The following ITPR2 variants were observed in gnomAD, a reference collection of about 807,000 sequenced individuals.
ITPR2 encodes the protein inositol 1,4,5-trisphosphate receptor type 2.
Under a neutral mutation model 317.1 loss-of-function variants are expected in ITPR2, and 207 were observed. The ratio of observed to expected loss-of-function variants is 0.65; its 90% confidence interval spans 0.58 to 0.73. The LOEUF (loss-of-function observed/expected upper bound fraction) is 0.73, where lower values mean the gene tolerates loss of function less well. Among genes scored for constraint, ITPR2 ranks in the 30% least tolerant of loss-of-function variants. The pLI, the probability that ITPR2 is intolerant of heterozygous loss-of-function variation, is 0.00. For missense variants in ITPR2, 2,613 were observed against 3,284.0 expected (o/e 0.80, Z 4.99); for synonymous variants, 1,156 against 1,149.1 (o/e 1.01, Z -0.12).
intron 1 of ITPR2, among the ~76,000 whole-genome samples, chr12:26,811,102 C>A (rs1047172696): frequency 4.7e-5 from 7 of 150,172 alleles, no homozygotes; most frequent in African/African-American, 1.5e-4. Context: ...CATGACAGAC[C>A]TGCTGAATTG....
chr12:26,625,387 A>T (rs1946598999), intron 23 of ITPR2, among the ~76,000 whole-genome samples: 1 of 152,200 alleles, frequency 6.6e-6, no homozygotes, highest in Non-Finnish European at 1.5e-5. Context: ...TACCTCATTT[A>T]TCCTGATATG....
Position 26,724,686 on chromosome 12 carries a change from TC to T in ITPR2, c.335del (p.Gly112GlufsTer4). 6.2e-7 allele frequency: 1 copy of T among 1,602,416 alleles called. No individual in the cohort carries two copies. ...TAACATTACTGTATTTTACAATTTC[TC>T]CCAACAGTTTCTTATTCTCCGATTC... is the stretch of plus-strand genomic sequence containing the variant. ...QNESENKKLL[G>X]EIVKYSNVIQ... On this transcript the variant is annotated frameshift_variant, in exon 4 of 57. Transcript: ENST00000381340. LOFTEE classifies it high-confidence loss of function.
At chr12:26,339,759 A>G (rs1339931078) in intron 56 of ITPR2, among the ~76,000 whole-genome samples, 1 of 152,186 alleles carries the variant, frequency 6.6e-6, no homozygotes, top group Non-Finnish European at 1.5e-5. Flanking sequence ...TTTAATAGCT[A>G]CCATGGTTAC....
chr12:26,352,243 C>A (rs892895422), intron 55 of ITPR2, among the ~76,000 whole-genome samples: 1 of 152,188 alleles, frequency 6.6e-6, no homozygotes, highest in Non-Finnish European at 1.5e-5. Flanking sequence ...ACAACAGATG[C>A]CAAGAAGCAA....
At chr12:26,526,630 G>GA (rs987942436) in intron 37 of ITPR2, among the ~76,000 whole-genome samples, 19 of 151,246 alleles carry the variant, frequency 1.3e-4, no homozygotes, top group Non-Finnish European at 1.9e-4. Context: ...GTTACTCTAT[G>GA]AAAAAAAAAG....
chr12:26,744,088 T>C (rs938426833), intron 2 of ITPR2, among the ~76,000 whole-genome samples: 1 of 152,250 alleles, frequency 6.6e-6, no homozygotes, highest in Non-Finnish European at 1.5e-5. Context: ...GGATTCTTCA[T>C]GCAGCAAGCA....
chr12:26,383,592 T>C (rs1450639404), intron 55 of ITPR2, among the ~76,000 whole-genome samples: 21 of 151,740 alleles, frequency 1.4e-4, no homozygotes, highest in African/African-American at 5.1e-4. Context: ...CTCACCATTC[T>C]CCTGCCTCAG....
chr12:26,773,547 G>C (rs1469729953), intron 2 of ITPR2, among the ~76,000 whole-genome samples: 1 of 152,164 alleles, frequency 6.6e-6, no homozygotes, highest in African/African-American at 2.4e-5. Flanking sequence ...ATTCTGAAGG[G>C]AGACAATTGA....
At position 26,338,701 on chromosome 12, in the gene ITPR2, A is replaced by T. The variant is rs535627003; in HGVS notation, c.*696T>A. 6.6e-6 allele frequency: 1 copy of T among 152,330 alleles called. No homozygotes were observed. Among genetic ancestry groups the T allele is most frequent in the Non-Finnish European group, 1.5e-5 (1 of 68,030 alleles). 9.4% of individuals were successfully genotyped at this position (152,330 alleles called of 1,614,324 possible). ...GAACATGTTTTTAACAAGTTATATG[A>T]AAATCTCCTTTTGTGCTCCACATTG... On this transcript the variant is annotated 3_prime_UTR_variant, in exon 57 of 57. Transcript: ENST00000381340.
intron 50 of ITPR2, 75 bp from the exon 51 acceptor site, chr12:26,415,573 C>A (rs1355309780): frequency 3.9e-6 from 4 of 1,033,278 alleles, no homozygotes; most frequent in South Asian, 2.2e-5. Flanking sequence ...AATATAATTA[C>A]AAATACAAAT....
At chr12:26,575,278 G>A (rs1041514312) in intron 34 of ITPR2, among the ~76,000 whole-genome samples, 3 of 150,840 alleles carry the variant, frequency 2.0e-5, no homozygotes, top group South Asian at 2.1e-4. Flanking sequence ...TTTTTAAACC[G>A]ACAAAGAATT....
At chr12:26,435,321 A>G (rs772659091) in intron 48 of ITPR2, among the ~76,000 whole-genome samples, 10 of 152,156 alleles carry the variant, frequency 6.6e-5, no homozygotes, top group Non-Finnish European at 4.4e-5. Flanking sequence ...ACCACCATTG[A>G]ACTTTATTGA....
At chr12:26,720,752 G>A (rs1225591734) in intron 5 of ITPR2, among the ~76,000 whole-genome samples, 2 of 152,134 alleles carry the variant, frequency 1.3e-5, no homozygotes, top group Non-Finnish European at 2.9e-5. Context: ...TTGGGTGGTA[G>A]GTTTTGTTTT....
intron 9 of ITPR2, among the ~76,000 whole-genome samples, chr12:26,700,401 T>A (rs1318373071): frequency 6.6e-6 from 1 of 152,246 alleles, no homozygotes; most frequent in East Asian, 1.9e-4. Context: ...AATACTTTTT[T>A]ATATGCTTTT....
intron 36 of ITPR2, among the ~76,000 whole-genome samples, chr12:26,555,644 G>C (rs6487561): frequency 6.6e-6 from 1 of 152,072 alleles, no homozygotes; most frequent in African/African-American, 2.4e-5. Flanking sequence ...TACCACAAAC[G>C]CTAAGAAACA....
At chr12:26,693,355 C>T (rs562141284) in intron 10 of ITPR2, among the ~76,000 whole-genome samples, 5 of 152,236 alleles carry the variant, frequency 3.3e-5, no homozygotes, top group African/African-American at 1.2e-4. Flanking sequence ...AAAGAGTGAA[C>T]TTCACCATGG....
chr12:26,620,883 G>A (rs181231260), intron 26 of ITPR2, among the ~76,000 whole-genome samples: 9 of 152,128 alleles, frequency 5.9e-5, no homozygotes, highest in South Asian at 4.2e-4. Context: ...AGAATTTACC[G>A]TGGAAATGAC....
intron 34 of ITPR2, among the ~76,000 whole-genome samples, chr12:26,567,954 A>ATATATATATATATATTATATATAT (rs1565609313): frequency 6.5e-4 from 6 of 9,282 alleles, no homozygotes; most frequent in Non-Finnish European, 2.0e-3. Context: ...TATATATTAT[A>ATATATATATATATATTATATATAT]TATATATATA....
intron 37 of ITPR2, among the ~76,000 whole-genome samples, chr12:26,502,539 G>A (rs575759004): frequency 6.6e-6 from 1 of 152,298 alleles, no homozygotes; most frequent in East Asian, 1.9e-4. Context: ...AGTACTGTTT[G>A]TTACTGAAAA....
Sources: allele counts gnomAD v4.1 joint callset (sites outside exome capture counted in the v4.1 genomes callset), GRCh38; gene constraint gnomAD v4.1.1; transcripts MANE v1.5; gene names NCBI Gene and HGNC (gene_info 2026-07-23, HGNC 2026-07-21).